SLC12A3: variants seen among roughly 807,000 people sequenced by gnomAD.
The protein encoded by SLC12A3 is solute carrier family 12 member 3.
A neutral mutation model predicts 121.0 loss-of-function variants in SLC12A3; 104 were observed. That is an observed-to-expected ratio of 0.86 (90% CI 0.73 to 1.01). The LOEUF is 1.01. SLC12A3 is among the 50% of genes least tolerant of loss of function. The pLI is 0.00. For synonymous variants in SLC12A3, 536 were observed against 533.4 expected (o/e 1.00, Z -0.07); for missense variants, 1,328 against 1,356.3 (o/e 0.98, Z 0.33).
chr16:56,871,992 A>C (rs1379421309), intron 6 of SLC12A3, among the ~76,000 whole-genome samples: 2 of 148,890 alleles, frequency 1.3e-5, no homozygotes, highest in African/African-American at 5.0e-5. Context: ...CAAAATGCTG[A>C]GATTACAGGT....
At chr16:56,893,655 C>A (rs2055420564) in intron 21 of SLC12A3, among the ~76,000 whole-genome samples, 1 of 152,188 alleles carries the variant, frequency 6.6e-6, no homozygotes, top group Admixed American at 6.5e-5. Flanking sequence ...GGCCCTTGGT[C>A]TTGTGTGGAG....
At chr16:56,869,925 C>T in intron 4 of SLC12A3, 101 bp downstream of exon 4, 1 of 1,376,572 alleles carries the variant, frequency 7.3e-7, no homozygotes, top group East Asian at 2.3e-5. Flanking sequence ...CCCAGCCGCT[C>T]CTGTGGTTCC....
Position 56,911,486 on chromosome 16 carries a change from AG to A in SLC12A3, c.2925-1777del, listed in dbSNP as rs1428787950. Among the ~76,000 whole-genome samples, 3 of 152,106 alleles carry A rather than the reference AG, an allele frequency of 2.0e-5. No homozygotes were observed. The East Asian group carries it at 5.8e-4, about 29-fold the overall frequency. On this transcript the variant is annotated intron_variant, in intron 25 of 25. Transcript: ENST00000563236. Reference sequence around the variant, plus strand: ...ACCACAGGCGTGTGCCATCATGCCCAGCTAATTTTTCTATTTTTTGTAAAGA... The same window carrying A: ...ACCACAGGCGTGTGCCATCATGCCCACTAATTTTTCTATTTTTTGTAAAGA...
intron 8 of SLC12A3, among the ~76,000 whole-genome samples, chr16:56,874,273 A>G (rs2055139681): frequency 6.6e-6 from 1 of 152,232 alleles, no homozygotes; most frequent in African/African-American, 2.4e-5. Flanking sequence ...AGCAGGGAGA[A>G]GGAGAGACTG....
chr16:56,888,218 G>A (rs2144733629), intron 18 of SLC12A3, among the ~76,000 whole-genome samples, 187 bp downstream of exon 18: 1 of 152,378 alleles, frequency 6.6e-6, no homozygotes, highest in East Asian at 1.9e-4. Flanking sequence ...GTTGAAGGCT[G>A]CAGTGAGCAA....
At chr16:56,907,582 A>G (rs2055624377) in intron 25 of SLC12A3, among the ~76,000 whole-genome samples, 1 of 152,208 alleles carries the variant, frequency 6.6e-6, no homozygotes, top group Admixed American at 6.5e-5. Flanking sequence ...TTTATTTCTC[A>G]TGGTTCTAGA....
intron 8 of SLC12A3, among the ~76,000 whole-genome samples, chr16:56,873,054 G>A (rs140818944): frequency 1.6e-3 from 238 of 152,320 alleles, no homozygotes; most frequent in Admixed American, 4.2e-3. Context: ...CAGCCTTAGG[G>A]GAAGACTGGC....
At chr16:56,883,946 C>A in intron 13 of SLC12A3, 103 bp from the exon 14 acceptor site, 2 of 1,324,500 alleles carry the variant, frequency 1.5e-6, no homozygotes, top group Non-Finnish European at 1.1e-6. Flanking sequence ...GGGACCCCGG[C>A]TCTGGGCACT....
chr16:56,875,196 A>G (rs577765668), intron 8 of SLC12A3, among the ~76,000 whole-genome samples: 4 of 152,130 alleles, frequency 2.6e-5, no homozygotes, highest in Admixed American at 6.5e-5. Flanking sequence ...GATGGCCTCC[A>G]CCCATCCTGT....
At chr16:56,869,647 T>A (rs2055061178) in intron 3 of SLC12A3, 82 bp from the exon 4 acceptor site, 1 of 1,067,000 alleles carries the variant, frequency 9.4e-7, no homozygotes, top group Non-Finnish European at 1.4e-6. Flanking sequence ...GAGATGAACG[T>A]AGGTCGCATG....
At chr16:56,904,941 C>T (rs1418651160) in intron 25 of SLC12A3, 1 of 266,682 alleles carries the variant, frequency 3.7e-6, no homozygotes, top group African/African-American at 2.2e-5. Context: ...TCTGAGCCAC[C>T]CCTGGGTGTA....
Position 56,872,416 on chromosome 16 carries a change from C to A in SLC12A3, c.918C>A (p.Ile306=), listed in dbSNP as rs1206888240. The change falls in exon 7 of 26, where the codon ATC becomes ATA. Residue 306 remains isoleucine (I), a synonymous_variant. Coordinates refer to ENST00000563236, the MANE Select transcript of SLC12A3 (RefSeq NM_001126108.2). ...SFANYLVGTL[I]PPSEDKASKG... is the part of the protein sequence containing the mutation. ...CCAACTATTTAGTGGGGACGCTGAT[C>A]CCCCCATCTGAGGACAAGGCCTCCA... 9 of 1,613,862 alleles carry A rather than the reference C, an allele frequency of 5.6e-6. No individual in the cohort carries two copies. Among genetic ancestry groups the A allele is most frequent in the Non-Finnish European group, 8.5e-7 (1 of 1,179,976 alleles).
intron 2 of SLC12A3, 144 bp from the exon 3 acceptor site, chr16:56,868,153 G>T: frequency 2.6e-6 from 2 of 754,834 alleles, no homozygotes; most frequent in South Asian, 3.0e-5. Flanking sequence ...AACCAGACTC[G>T]GAACCTACTG....
intron 6 of SLC12A3, among the ~76,000 whole-genome samples, chr16:56,871,468 C>A (rs2055096366): frequency 6.6e-6 from 1 of 152,244 alleles, no homozygotes; most frequent in African/African-American, 2.4e-5. Flanking sequence ...GCCGGACAGG[C>A]CCTACAGGCA....
Position 56,878,088 on chromosome 16 carries a change from A to G in SLC12A3, c.1107A>G (p.Ile369Met). 7.2e-7 allele frequency: 1 copy of G among 1,391,450 alleles called. No individual in the cohort carries two copies. The highest frequency in any genetic ancestry group is 9.4e-7 in the Non-Finnish European group (1 of 1,061,816). The allele number at this position is 1,391,450 out of a possible 1,614,324, so 86.2% of individuals were successfully genotyped here. A position where few individuals can be genotyped will look rare whatever the true frequency, so the allele number is the denominator to read the frequency against. Residue 369 changes from isoleucine to methionine, a missense_variant, in exon 9 of 26, where the codon ATA (isoleucine) becomes ATG (methionine). Physicochemically the swap from Ile to Met is conservative, Grantham distance 10. Transcript: ENST00000563236. ...NISGDLKDPA[I>M]AIPKGTLMAI... ...CCTCCCTCCTTCAGGACCCTGCTATAGCCATCCCCAAGGGGACCCTCATGG... is the reference window on the plus strand; with the variant it reads ...CCTCCCTCCTTCAGGACCCTGCTATGGCCATCCCCAAGGGGACCCTCATGG...
intron 8 of SLC12A3, 94 bp downstream of exon 8, chr16:56,872,880 C>A: frequency 6.6e-7 from 1 of 1,525,200 alleles, no homozygotes; most frequent in Non-Finnish European, 9.0e-7. Context: ...TGCCGCTGAC[C>A]TGGGAGGCAG....
intron 9 of SLC12A3, 91 bp from the exon 10 acceptor site, chr16:56,878,982 G>T: frequency 6.8e-7 from 1 of 1,478,272 alleles, no homozygotes. Flanking sequence ...CCCATCATCT[G>T]CAGCACCTCG....
At chr16:56,874,064 C>T (rs1270637644) in intron 8 of SLC12A3, among the ~76,000 whole-genome samples, 1 of 152,198 alleles carries the variant, frequency 6.6e-6, no homozygotes, top group Non-Finnish European at 1.5e-5. Context: ...GCCCTTCCAT[C>T]AGAGTCATGG....
At chr16:56,901,744 G>T (rs1395602902) in intron 23 of SLC12A3, among the ~76,000 whole-genome samples, 1 of 152,084 alleles carries the variant, frequency 6.6e-6, no homozygotes, top group Non-Finnish European at 1.5e-5. Flanking sequence ...TGCCCGACTG[G>T]GCCCTCTCTG....
Sources: allele counts gnomAD v4.1 joint callset (sites outside exome capture counted in the v4.1 genomes callset), GRCh38; gene constraint gnomAD v4.1.1; transcripts MANE v1.5; gene names NCBI Gene and HGNC (gene_info 2026-07-23, HGNC 2026-07-21).